The following DGKK variants were observed in gnomAD, a reference collection of about 807,000 sequenced individuals.
DGKK encodes the protein diacylglycerol kinase kappa.
In DGKK, 35 loss-of-function variants were observed where a neutral mutation model predicts 92.2. The observed-to-expected ratio is 0.38, with a 90% CI of 0.29 to 0.50. The LOEUF (loss-of-function observed/expected upper bound fraction) is 0.50, where lower values mean the gene tolerates loss of function less well. Ranked by LOEUF, DGKK falls within the 20% of genes least tolerant of loss-of-function variation. The pLI is 0.92. For synonymous variants in DGKK, 368 were observed against 360.6 expected, an observed-to-expected ratio of 1.02 and a Z score of -0.23; for missense variants, 910 against 992.2, an observed-to-expected ratio of 0.92 and a Z score of 1.11.
chrX:50,387,787 C>CCAGCCTTT, intron 13 of DGKK, 134 bp from the exon 14 acceptor site: 1 of 459,165 alleles, frequency 2.2e-6, no homozygotes. Context: ...CCCTCTGCTC[C>CCAGCCTTT]CAGCCTTTTT....
intron 5 of DGKK, 121 bp downstream of exon 5, chrX:50,403,928 G>A (rs1169260188): frequency 1.1e-6 from 1 of 882,967 alleles, no homozygotes; most frequent in African/African-American, 2.0e-5. Flanking sequence ...TCCTCAATCA[G>A]GGTTAACCTC....
At chrX:50,400,940 G>A (rs782155740) in intron 8 of DGKK, 97 bp downstream of exon 8, 16 of 799,621 alleles carry the variant, frequency 2.0e-5, no homozygotes, top group Non-Finnish European at 2.8e-5. Flanking sequence ...ATGTTTGACT[G>A]GTTGAGGAGA....
rs781887913 is a variant in DGKK at position 50,470,116 on chromosome X, G to A, written c.563C>T (p.Thr188Ile). The change falls in exon 1 of 28, where the codon ACT becomes ATT. Residue 188 changes from threonine (T) to isoleucine (I), a missense_variant. Transcript: ENST00000611977. ...APCLLQCPVD[T>I]RERGLKTSPS... Reference sequence around the variant, plus strand: ...CGAGGTCTTTAGACCTCTCTCTCGAGTGTCCACCGGACATTGCAATAGACA... The same window carrying A: ...CGAGGTCTTTAGACCTCTCTCTCGAATGTCCACCGGACATTGCAATAGACA... The A allele has an allele frequency of 1.6e-6, 2 of 1,212,136 alleles. No individual in the cohort carries two copies. The highest frequency in any genetic ancestry group is 3.5e-5 in the South Asian group (2 of 56,997).
intron 6 of DGKK, 144 bp downstream of exon 6, chrX:50,403,347 G>A: frequency 1.2e-6 from 1 of 856,776 alleles, no homozygotes; most frequent in Non-Finnish European, 1.7e-6. Flanking sequence ...GTGGAGGAGG[G>A]AGGTTCATTC....
chrX:50,415,798 C>T (rs1925419382), intron 4 of DGKK, among the ~76,000 whole-genome samples: 1 of 112,055 alleles, frequency 8.9e-6, no homozygotes, highest in African/African-American at 3.2e-5. Context: ...CATAGGTTCA[C>T]AGCTGGAAAT....
At chrX:50,379,177 C>T (rs782206804) in intron 20 of DGKK, among the ~76,000 whole-genome samples, 30 of 110,679 alleles carry the variant, frequency 2.7e-4, no homozygotes, top group Admixed American at 1.8e-3. Context: ...AAAAATTAGC[C>T]GGGCATGGTG....
At chrX:50,463,630 C>T (rs1926819318) in intron 1 of DGKK, among the ~76,000 whole-genome samples, 2 of 104,099 alleles carry the variant, frequency 1.9e-5, no homozygotes, top group South Asian at 9.0e-4. Flanking sequence ...TCTCTCTCTC[C>T]TTCTCCCTTC....
At position 50,470,350 on chromosome X, in the gene DGKK, G is replaced by T. The variant is rs1464055280; in HGVS notation, c.329C>A (p.Ala110Asp). 5 of 1,207,849 alleles carry T rather than the reference G, an allele frequency of 4.1e-6. No homozygotes were observed. The highest frequency in any genetic ancestry group is 2.4e-4 in the Middle Eastern group (1 of 4,083). The change falls in exon 1 of 28, where the codon GCC becomes GAC. Residue 110 changes from alanine to aspartate, a missense_variant. Coordinates refer to ENST00000611977, the MANE Select transcript of DGKK (RefSeq NM_001013742.4). ...EPAPEPATEP[A>D]PEPAPEPATE... ...GGCAGGTTCTGGGGCCGGTTCTGGGGCCGGCTCTGTGGCAGGTTCTGGGGC... is the reference window on the plus strand; with the variant it reads ...GGCAGGTTCTGGGGCCGGTTCTGGGTCCGGCTCTGTGGCAGGTTCTGGGGC...
intron 7 of DGKK, among the ~76,000 whole-genome samples, chrX:50,401,537 A>G (rs1298470212): frequency 8.1e-5 from 9 of 111,485 alleles, no homozygotes; most frequent in African/African-American, 2.9e-4. Flanking sequence ...AAAAAACACT[A>G]TTGAATTCAT....
At position 50,384,067 on chromosome X, in the gene DGKK, TAGTA is replaced by T. The variant is rs1453245563; in HGVS notation, c.2549+97_2549+100del. 1.8e-4 allele frequency: 84 copies of T among 466,562 alleles called. No individual in the cohort carries two copies. In the East Asian group the frequency reaches 4.0e-3, roughly 22 times the overall value. The allele number at this position is 466,562 out of a possible 1,213,427, so 38.4% of individuals were successfully genotyped here. A position where few individuals can be genotyped will look rare whatever the true frequency, so the allele number is the denominator to read the frequency against. On this transcript the variant is annotated intron_variant, in intron 17 of 27. Transcript: ENST00000611977. The stretch of plus-strand genomic sequence containing the variant: ...TAGTCACTTGCGTAGGTGACACAGC[TAGTA>T]AGTAAGAGAAAGGATTTGACTATGG...
At chrX:50,390,680 T>A (rs1924663799) in intron 11 of DGKK, among the ~76,000 whole-genome samples, 1 of 111,337 alleles carries the variant, frequency 9.0e-6, no homozygotes, top group Non-Finnish European at 1.9e-5. Flanking sequence ...GAGGTAACCA[T>A]CAAGATCATC....
At chrX:50,396,123 T>A (rs902994169) in intron 8 of DGKK, among the ~76,000 whole-genome samples, 5 of 112,208 alleles carry the variant, frequency 4.5e-5, no homozygotes, top group Non-Finnish European at 7.5e-5. Flanking sequence ...GCAGAATATC[T>A]TGTAACTGTA....
At chrX:50,447,393 T>TA (rs1926376530) in intron 1 of DGKK, among the ~76,000 whole-genome samples, 1 of 17,289 alleles carries the variant, frequency 5.8e-5, no homozygotes, top group Non-Finnish European at 7.7e-5. Flanking sequence ...AATATATATA[T>TA]ATTATATATA....
At chrX:50,397,757 G>T (rs1924891697) in intron 8 of DGKK, among the ~76,000 whole-genome samples, 1 of 112,032 alleles carries the variant, frequency 8.9e-6, no homozygotes, top group African/African-American at 3.2e-5. Context: ...ATGTATTAAG[G>T]AATTCATGTA....
chrX:50,384,819 C>A lies in DGKK; in HGVS notation c.2353G>T (p.Asp785Tyr). ...GATATTGTCTGTCTGCTTTCCTCATCCAGAGCTATAGAGAAAAGTGGGAGG... is the reference window on the plus strand; with the variant it reads ...GATATTGTCTGTCTGCTTTCCTCATACAGAGCTATAGAGAAAAGTGGGAGG... ...LIIFQVEQALDEESRQTISVK... is the reference protein window; with the variant it reads ...LIIFQVEQALYEESRQTISVK... Residue 785 changes from aspartate to tyrosine, a missense_variant, in exon 16 of 28, where the codon GAT becomes TAT. Asp to Tyr is a radical substitution (Grantham distance 160). Transcript: ENST00000611977. 2 of 1,199,119 alleles carry A rather than the reference C, an allele frequency of 1.7e-6. No individual in the cohort carries two copies. The highest frequency in any genetic ancestry group is 2.3e-6 in the Non-Finnish European group (2 of 888,083).
At chrX:50,419,951 C>T (rs1315122848) in intron 4 of DGKK, among the ~76,000 whole-genome samples, 1 of 112,310 alleles carries the variant, frequency 8.9e-6, no homozygotes, top group East Asian at 2.8e-4. Context: ...TTTGGAGTCA[C>T]ATAGCCTGCA....
intron 1 of DGKK, among the ~76,000 whole-genome samples, chrX:50,428,973 C>A (rs782771104): frequency 6.3e-5 from 7 of 111,980 alleles, no homozygotes; most frequent in African/African-American, 9.8e-5. Context: ...ACAATCTTTA[C>A]CCGCTTGGGG....
chrX:50,371,647 C>T (rs1924131589), intron 26 of DGKK, 77 bp downstream of exon 26: 1 of 753,083 alleles, frequency 1.3e-6, no homozygotes, highest in Non-Finnish European at 2.0e-6. Context: ...TCACCATGTC[C>T]TGGCCCACAC....
intron 4 of DGKK, among the ~76,000 whole-genome samples, chrX:50,411,595 C>T (rs1557227967): frequency 8.9e-6 from 1 of 112,067 alleles, no homozygotes; most frequent in African/African-American, 3.2e-5. Context: ...GGCCACATAA[C>T]AAACTGATAG....
Sources: allele counts gnomAD v4.1 joint callset (sites outside exome capture counted in the v4.1 genomes callset), GRCh38; gene constraint gnomAD v4.1.1; transcripts MANE v1.5; gene names NCBI Gene and HGNC (gene_info 2026-07-23, HGNC 2026-07-21).